OPRM1: variants seen among roughly 807,000 people sequenced by gnomAD.
The protein encoded by OPRM1 is opioid receptor mu 1.
A neutral mutation model predicts 31.8 loss-of-function variants in OPRM1; 27 were observed. That is an observed-to-expected ratio of 0.85 (90% CI 0.63 to 1.17). OPRM1 has a LOEUF of 1.17. Ranked by LOEUF, OPRM1 falls within the 50% of genes most tolerant of loss-of-function variation. The pLI is 0.00. For synonymous variants in OPRM1, 196 were observed against 189.9 expected (o/e 1.03, Z -0.26); for missense variants, 536 against 511.1 (o/e 1.05, Z -0.47).
intron 3 of OPRM1, among the ~76,000 whole-genome samples, chr6:154,205,638 A>C (rs1214922932): frequency 6.6e-6 from 1 of 152,136 alleles, no homozygotes. Context: ...TTAATTTATT[A>C]TGTATTATTA....
At chr6:154,233,944 C>T (rs1404662033) in intron 3 of OPRM1, among the ~76,000 whole-genome samples, 1 of 152,196 alleles carries the variant, frequency 6.6e-6, no homozygotes, top group Admixed American at 6.5e-5. Context: ...CGCCGTGGCT[C>T]ACACCTGTAA....
intron 3 of OPRM1, among the ~76,000 whole-genome samples, chr6:154,183,903 C>T (rs1036283735): frequency 1.3e-5 from 2 of 150,674 alleles, no homozygotes; most frequent in Admixed American, 1.3e-4. Context: ...AACAAACAAA[C>T]AAAAAAAACA....
intron 3 of OPRM1, among the ~76,000 whole-genome samples, chr6:154,209,805 C>T (rs1351729663): frequency 6.6e-6 from 1 of 151,994 alleles, no homozygotes; most frequent in East Asian, 1.9e-4. Context: ...AGGAGGAACA[C>T]ATTCTGTTTC....
intron 1 of OPRM1, among the ~76,000 whole-genome samples, chr6:154,068,155 C>T (rs755837612): frequency 3.3e-5 from 5 of 151,980 alleles, no homozygotes; most frequent in Non-Finnish European, 5.9e-5. Flanking sequence ...AAATCATGTA[C>T]CACATGATAT....
chr6:154,081,182 G>T (rs963489048), intron 1 of OPRM1, among the ~76,000 whole-genome samples: 1 of 152,196 alleles, frequency 6.6e-6, no homozygotes, highest in Non-Finnish European at 1.5e-5. Flanking sequence ...ACATAGAACT[G>T]ATAGGTTCAA....
chr6:154,152,071 C>T (rs1583659261), intron 3 of OPRM1, among the ~76,000 whole-genome samples: 2 of 149,476 alleles, frequency 1.3e-5, no homozygotes, highest in South Asian at 2.1e-4. Flanking sequence ...CAGCTATTCA[C>T]GAAGCTGAAG....
At chr6:154,142,445 G>A (rs187343306) in intron 3 of OPRM1, among the ~76,000 whole-genome samples, 36 of 152,118 alleles carry the variant, frequency 2.4e-4, no homozygotes, top group Middle Eastern at 3.4e-3. Context: ...CACCTCAGGC[G>A]AGCATGTGTA....
rs1293693557 is a variant in OPRM1, at chr6:154,091,052, C to T, written c.744C>T (p.Leu248=). 5.0e-6 allele frequency: 8 copies of T among 1,614,054 alleles called. No individual in the cohort carries two copies. In the African/African-American group the frequency reaches 5.3e-5, roughly 11 times the overall value. Residue 248 remains leucine, a synonymous_variant, in exon 3 of 4, where the codon CTC becomes CTT. Transcript: ENST00000330432. ...VFIFAFIMPV[L]IITVCYGLMI... ...TCTTCGCCTTCATTATGCCAGTGCT[C>T]ATCATTACCGTGTGCTATGGACTGA...
chr6:154,030,033 T>G (rs1778920866), intron 1 of OPRM1, among the ~76,000 whole-genome samples: 1 of 147,318 alleles, frequency 6.8e-6, no homozygotes, highest in East Asian at 1.9e-4. Context: ...CGTATTGAAC[T>G]GTGAGTCCTC....
chr6:154,141,777 G>A (rs968986850), intron 3 of OPRM1, among the ~76,000 whole-genome samples: 2 of 152,208 alleles, frequency 1.3e-5, no homozygotes, highest in African/African-American at 4.8e-5. Flanking sequence ...TCCAAAGGAG[G>A]CCATCAGATA....
intron 1 of OPRM1, among the ~76,000 whole-genome samples, chr6:154,019,374 C>T (rs924886899): frequency 7.2e-5 from 11 of 151,894 alleles, no homozygotes; most frequent in Admixed American, 6.6e-5. Flanking sequence ...TTACAATCAA[C>T]GAACCGAACC....
chr6:154,062,815 AG>A (rs1784665433), intron 1 of OPRM1, among the ~76,000 whole-genome samples: 1 of 152,096 alleles, frequency 6.6e-6, no homozygotes, highest in Non-Finnish European at 1.5e-5. Flanking sequence ...AGACATCAGC[AG>A]GTACTAAGAC....
At chr6:154,208,216 C>G (rs1777660855) in intron 3 of OPRM1, among the ~76,000 whole-genome samples, 1 of 151,816 alleles carries the variant, frequency 6.6e-6, no homozygotes, top group Non-Finnish European at 1.5e-5. Context: ...TCATTTCCTA[C>G]TACTCTCATC....
intron 3 of OPRM1, among the ~76,000 whole-genome samples, chr6:154,141,425 T>C (rs1281377484): frequency 6.6e-6 from 1 of 152,136 alleles, no homozygotes; most frequent in East Asian, 1.9e-4. Context: ...GTGGGGCTGG[T>C]GGTATTCGCA....
At chr6:154,109,091 GA>G in intron 3 of OPRM1, 1 of 950,948 alleles carries the variant, frequency 1.1e-6, no homozygotes, top group Non-Finnish European at 1.3e-6. Flanking sequence ...CACTCTAATA[GA>G]CAATACACTT....
chr6:154,233,876 G>A (rs1051669226), intron 3 of OPRM1, among the ~76,000 whole-genome samples: 1 of 152,058 alleles, frequency 6.6e-6, no homozygotes, highest in Non-Finnish European at 1.5e-5. Flanking sequence ...CTCCTGGGAC[G>A]AGCTCTCAAC....
At chr6:154,039,108 A>G (rs778593265), upstream of OPRM1, 39 of 1,503,672 alleles carry the variant, frequency 2.6e-5, no homozygotes, top group Non-Finnish European at 3.4e-5. Flanking sequence ...CACTGCTACC[A>G]AAGACTAACT....
intron 3 of OPRM1, among the ~76,000 whole-genome samples, chr6:154,193,011 C>T (rs1802063435): frequency 6.6e-6 from 1 of 152,152 alleles, no homozygotes; most frequent in African/African-American, 2.4e-5. Context: ...AGCAATCCCA[C>T]TACTGGATAT....
rs1270786841 is a variant in OPRM1 at position 154,122,224 on chromosome 6, T to C, written c.*3503T>C. On this transcript the variant is annotated 3_prime_UTR_variant, in exon 4 of 4. Transcript: ENST00000330432. The stretch of plus-strand genomic sequence containing the variant: ...CCAAAAAATCTGTTGCTGGAAGAAA[T>C]ATTATCCTCTTCATAGAAATATCCA... Among the ~76,000 whole-genome samples, 2 of 152,214 alleles carry C rather than the reference T, an allele frequency of 1.3e-5. No individual in the cohort carries two copies. The highest frequency in any genetic ancestry group is 4.8e-5 in the African/African-American group (2 of 41,462).
Sources: allele counts gnomAD v4.1 joint callset (sites outside exome capture counted in the v4.1 genomes callset), GRCh38; gene constraint gnomAD v4.1.1; transcripts MANE v1.5; gene names NCBI Gene and HGNC (gene_info 2026-07-23, HGNC 2026-07-21).